KAT14: variants seen among roughly 807,000 people sequenced by gnomAD.
KAT14 encodes the protein cysteine-rich protein 2-binding protein.
KAT14 carries 66 observed loss-of-function variants against 78.4 expected under a neutral mutation model. The observed-to-expected ratio is 0.84, with a 90% CI of 0.69 to 1.03. KAT14 has a LOEUF of 1.03. KAT14 is among the 50% of genes least tolerant of loss of function. KAT14 has a pLI of 0.00. For missense variants in KAT14, 870 were observed against 972.5 expected, an observed-to-expected ratio of 0.89 and a Z score of 1.40; for synonymous variants, 344 against 359.4, an observed-to-expected ratio of 0.96 and a Z score of 0.48.
chr20:18,148,483 A>G (rs768338733), intron 3 of KAT14, among the ~76,000 whole-genome samples: 1 of 152,168 alleles, frequency 6.6e-6, no homozygotes, highest in African/African-American at 2.4e-5. Context: ...GTTCTTCAGC[A>G]TATACTGAGT....
chr20:18,163,021 T>TG (rs2038505940), intron 7 of KAT14, 76 bp downstream of exon 7: 2 of 1,495,452 alleles, frequency 1.3e-6, no homozygotes, highest in Non-Finnish European at 1.8e-6. Context: ...GCATTGGACA[T>TG]GGTTATGCTG....
At chr20:18,141,051 T>TTTTTTTTTTTTTTTTTTTTTTTG (rs58888387) in intron 1 of KAT14, among the ~76,000 whole-genome samples, 5 of 109,704 alleles carry the variant, frequency 4.6e-5, no homozygotes, top group Non-Finnish European at 7.0e-5. Context: ...TTTTTTATTT[T>TTTTTTTTTTTTTTTTTTTTTTTG]TATTTTTGCT....
chr20:18,161,938 A>G lies in KAT14; in HGVS notation c.798A>G (p.Glu266=). The G allele has an allele frequency of 1.2e-6, 2 of 1,614,274 alleles. No homozygotes were observed. The highest frequency in any genetic ancestry group is 1.7e-6 in the Non-Finnish European group (2 of 1,180,052). Residue 266 remains glutamate, a synonymous_variant, in exon 6 of 11, where the codon GAA becomes GAG. Coordinates refer to ENST00000688188, the MANE Select transcript of KAT14 (RefSeq NM_001392073.1). ...AAGAGAAAAGGTCTCGAACTCAGGA[A>G]GCAAAAGACATTAGAAGAGCCCAGA... ...ELKEKRSRTQ[E]AKDIRRAQKE... is the part of the protein sequence containing the mutation.
In KAT14 at chr20:18,139,291, A is replaced by G. The variant is rs2037429927; in HGVS notation, c.-454+1240A>G. ...AAGACTTCCGCCTCTTACAAGGAAA[A>G]GTAAAAGATGTTGATCCTGGGAAAA... is the stretch of plus-strand genomic sequence containing the variant. On this transcript the variant is annotated intron_variant, in intron 1 of 10. Coordinates refer to ENST00000688188, the MANE Select transcript of KAT14 (RefSeq NM_001392073.1). Among the ~76,000 whole-genome samples the G allele has an allele frequency of 3.3e-5, 5 of 152,360 alleles. No individual in the cohort carries two copies. The South Asian group carries it at 6.2e-4, about 19-fold the overall frequency.
chr20:18,150,760 C>A (rs2038003353), intron 3 of KAT14, 61 bp from the exon 4 acceptor site: 1 of 1,604,490 alleles, frequency 6.2e-7, no homozygotes, highest in East Asian at 2.2e-5. Context: ...GCTTTTCCCC[C>A]CTCAAGATTA....
chr20:18,150,780 AC>A, intron 3 of KAT14, 40 bp from the exon 4 acceptor site: 2 of 1,613,148 alleles, frequency 1.2e-6, no homozygotes, highest in Non-Finnish European at 1.7e-6. Flanking sequence ...AACATCCCTA[AC>A]CGTGCTGTTC....
At position 18,165,487 on chromosome 20, in the gene KAT14, A is replaced by G. The variant is rs140657558; in HGVS notation, c.1668+2542A>G. Among the ~76,000 whole-genome samples the G allele has an allele frequency of 5.3e-3, 810 of 152,230 alleles. 7 individuals carry two copies. The highest frequency in any genetic ancestry group is 0.019 in the African/African-American group (770 of 41,518). On this transcript the variant is annotated intron_variant, in intron 7 of 10. Coordinates refer to ENST00000688188, the MANE Select transcript of KAT14 (RefSeq NM_001392073.1). ...GGAGCTAAGAGAAGGGCACAGAACAAATTCTCCCCTAGTGCGTACCCCAGA... is the reference window on the plus strand; with the variant it reads ...GGAGCTAAGAGAAGGGCACAGAACAGATTCTCCCCTAGTGCGTACCCCAGA...
chr20:18,139,159 A>G (rs1388221025), intron 1 of KAT14, among the ~76,000 whole-genome samples: 1 of 152,210 alleles, frequency 6.6e-6, no homozygotes, highest in Non-Finnish European at 1.5e-5. Flanking sequence ...TGGTACAAGA[A>G]TTTTGACGAG....
In KAT14 at chr20:18,187,581, T is replaced by A; in HGVS notation, c.*122T>A. ...TCTGTGATTACATGGTCCTTCAAAC[T>A]CCCAACCAAAGTGAGAAAAGCGGCA... is the stretch of plus-strand genomic sequence containing the variant. On this transcript the variant is annotated 3_prime_UTR_variant, in exon 11 of 11. Transcript: ENST00000688188. 1 of 1,482,730 alleles carries A rather than the reference T, an allele frequency of 6.7e-7. No homozygotes were observed. The highest frequency in any genetic ancestry group is 9.0e-7 in the Non-Finnish European group (1 of 1,112,578). The allele number at this position is 1,482,730 out of a possible 1,614,324, so 91.8% of individuals were successfully genotyped here. A position where few individuals can be genotyped will look rare whatever the true frequency, so the allele number is the denominator to read the frequency against.
chr20:18,139,535 A>T (rs2037441431), intron 1 of KAT14, among the ~76,000 whole-genome samples: 1 of 152,200 alleles, frequency 6.6e-6, no homozygotes, highest in East Asian at 1.9e-4. Flanking sequence ...ACAATGTTTT[A>T]AAAGTAACCC....
At position 18,141,052 on chromosome 20, in the gene KAT14, T is replaced by A. The variant is rs868777319; in HGVS notation, c.-453-1156T>A. ...TTTTTTTTTTTTTTTTTTTTATTTT[T>A]ATTTTTGCTAGAGATGGGATTTTGC... On this transcript the variant is annotated intron_variant, in intron 1 of 10. Coordinates refer to ENST00000688188, the MANE Select transcript of KAT14 (RefSeq NM_001392073.1). Among the ~76,000 whole-genome samples the A allele has an allele frequency of 4.0e-3, 238 of 59,284 alleles. 5 individuals are homozygous for A. The South Asian group carries it at 0.11, about 28-fold the overall frequency. The allele number at this position is 59,284 out of a possible 152,430, so 38.9% of individuals were successfully genotyped here. A position where few individuals can be genotyped will look rare whatever the true frequency, so the allele number is the denominator to read the frequency against.
At chr20:18,143,814 A>T (rs1041989596) in intron 2 of KAT14, among the ~76,000 whole-genome samples, 4 of 151,284 alleles carry the variant, frequency 2.6e-5, no homozygotes, top group Non-Finnish European at 5.9e-5. Flanking sequence ...TTTAGTAGAG[A>T]TGAGGTTTCT....
chr20:18,178,320 TTCCACGGGAA>T (rs2039121510), intron 7 of KAT14, among the ~76,000 whole-genome samples: 1 of 152,174 alleles, frequency 6.6e-6, no homozygotes, highest in Non-Finnish European at 1.5e-5. Flanking sequence ...CTCCATGGCA[TTCCACGGGAA>T]TCCACGGGAG....
At position 18,158,363 on chromosome 20, in the gene KAT14, TG is replaced by T. The variant is rs776906614; in HGVS notation, c.501-720del. Among the ~76,000 whole-genome samples the T allele has an allele frequency of 4.6e-5, 7 of 152,378 alleles. No homozygotes were observed. The East Asian group carries it at 1.2e-3, about 25-fold the overall frequency. On this transcript the variant is annotated intron_variant, in intron 4 of 10. Transcript: ENST00000688188. The stretch of plus-strand genomic sequence containing the variant: ...TGCCTTCCCAGCAATACCTTCCAAC[TG>T]TTAGACTGGTCTTCTTGTGAAAGAC...
At chr20:18,166,942 G>T (rs2038663133) in intron 7 of KAT14, among the ~76,000 whole-genome samples, 1 of 152,230 alleles carries the variant, frequency 6.6e-6, no homozygotes, top group African/African-American at 2.4e-5. Context: ...AATCTAGTCA[G>T]AGTCCCTGGG....
intron 7 of KAT14, among the ~76,000 whole-genome samples, chr20:18,168,025 T>C (rs1378341673): frequency 6.6e-6 from 1 of 152,214 alleles, no homozygotes; most frequent in Non-Finnish European, 1.5e-5. Context: ...TGGACTGCTT[T>C]CTCTAACAGT....
chr20:18,187,189 C>T, intron 10 of KAT14, 97 bp from the exon 11 acceptor site: 1 of 1,454,520 alleles, frequency 6.9e-7, no homozygotes, highest in South Asian at 1.5e-5. Context: ...CTCCGGTTTC[C>T]ATAACTAACT....
Position 18,162,660 on chromosome 20 carries a change from C to G in KAT14, c.1383C>G (p.Pro461=), listed in dbSNP as rs767961876. Reference sequence around the variant, plus strand: ...AGCCGAAAGAGCCCAGGTATACTCCCGTGAGCATCTACGAGGAAAAGCTGC... The same window carrying G: ...AGCCGAAAGAGCCCAGGTATACTCCGGTGAGCATCTACGAGGAAAAGCTGC... ...DTKPKEPRYT[P]VSIYEEKLLL... The change falls in exon 7 of 11, where the codon CCC becomes CCG. Residue 461 remains proline, a synonymous_variant. Transcript: ENST00000688188. 6.8e-6 allele frequency: 11 copies of G among 1,614,212 alleles called. No homozygotes were observed. The highest frequency in any genetic ancestry group is 6.7e-5 in the African/African-American group (5 of 75,050).
intron 2 of KAT14, among the ~76,000 whole-genome samples, chr20:18,144,133 TG>T (rs2037725895): frequency 6.6e-6 from 1 of 152,272 alleles, no homozygotes; most frequent in Non-Finnish European, 1.5e-5. Context: ...GGTCATTTTC[TG>T]GCATGTGGAA....
Sources: gnomAD v4.1 joint callset for allele counts (sites outside exome capture counted in the v4.1 genomes callset) on GRCh38, gnomAD v4.1.1 for gene constraint, MANE v1.5 for transcripts, NCBI Gene and HGNC (gene_info 2026-07-23, HGNC 2026-07-21) for gene names.